Variants in COL18A1 observed in about 807,000 individuals in gnomAD.
COL18A1 encodes collagen alpha-1(XVIII) chain.
In COL18A1, 133 loss-of-function variants were observed where a neutral mutation model predicts 168.0. The ratio of observed to expected loss-of-function variants is 0.79; its 90% CI spans 0.69 to 0.91. The LOEUF (loss-of-function observed/expected upper bound fraction) is 0.91. Ranked by LOEUF, COL18A1 falls within the 40% of genes least tolerant of loss-of-function variation. COL18A1 has a pLI of 0.00. For synonymous variants in COL18A1, 949 were observed against 809.0 expected, an observed-to-expected ratio of 1.17 and a Z score of -2.94; for missense variants, 2,126 against 1,925.4, an observed-to-expected ratio of 1.10 and a Z score of -1.95.
chr21:45,438,417 G>T (rs1022475318), intron 2 of COL18A1, among the ~76,000 whole-genome samples: 1 of 152,028 alleles, frequency 6.6e-6, no homozygotes, highest in African/African-American at 2.4e-5. Flanking sequence ...CCAGGGCTGG[G>T]CAGGGGACCC....
intron 2 of COL18A1, among the ~76,000 whole-genome samples, chr21:45,433,268 A>T (rs2034012753): frequency 6.6e-6 from 1 of 152,224 alleles, no homozygotes; most frequent in Non-Finnish European, 1.5e-5. Flanking sequence ...CTTTCCACTT[A>T]CGGCTCTTAA....
At chr21:45,505,591 A>T (rs2037150745) in intron 36 of COL18A1, among the ~76,000 whole-genome samples, 160 bp downstream of exon 36, 1 of 152,038 alleles carries the variant, frequency 6.6e-6, no homozygotes, top group African/African-American at 2.4e-5. Flanking sequence ...CCATGGGGGA[A>T]TCAGGTGGAC....
At chr21:45,510,493 C>A (rs950338586) in intron 40 of COL18A1, among the ~76,000 whole-genome samples, 27 of 152,048 alleles carry the variant, frequency 1.8e-4, no homozygotes, top group African/African-American at 6.5e-4. Context: ...TCCCATGAGG[C>A]CCCCCCGTGG....
At chr21:45,504,718 C>G (rs559142395) in intron 34 of COL18A1, among the ~76,000 whole-genome samples, 162 bp downstream of exon 34, 1 of 152,020 alleles carries the variant, frequency 6.6e-6, no homozygotes, top group African/African-American at 2.4e-5. Flanking sequence ...ACGCAGCAGG[C>G]CACATGGGTG....
chr21:45,481,025 G>T (rs1403790241), intron 13 of COL18A1, among the ~76,000 whole-genome samples, 167 bp downstream of exon 13: 1 of 152,216 alleles, frequency 6.6e-6, no homozygotes, highest in African/African-American at 2.4e-5. Context: ...GGCCACCCTG[G>T]GGTGTGCGGA....
intron 15 of COL18A1, among the ~76,000 whole-genome samples, chr21:45,483,236 AT>A (rs924228165): frequency 2.6e-5 from 4 of 151,724 alleles, no homozygotes; most frequent in Non-Finnish European, 4.4e-5. Context: ...GCCCCCCAAC[AT>A]CCCCCCATAG....
chr21:45,447,216 A>T (rs1280565922), intron 2 of COL18A1, among the ~76,000 whole-genome samples: 1 of 150,760 alleles, frequency 6.6e-6, no homozygotes, highest in African/African-American at 2.4e-5. Flanking sequence ...TATATCATAT[A>T]TCATATATAT....
chr21:45,479,750 G>T lies in COL18A1; in HGVS notation c.1249-152G>T. ...GGCTCAGGCGGGAGACAGTCTGCTG[G>T]GCCTGGCGCCCTCGTACTTTCCGGG... On this transcript the variant is annotated intron_variant, in intron 9 of 41. Transcript: ENST00000651438. 3.7e-6 allele frequency: 4 copies of T among 1,093,046 alleles called. No individual in the cohort carries two copies. The East Asian group carries it at 1.0e-4, about 28-fold the overall frequency. 67.7% of individuals were successfully genotyped at this position (1,093,046 alleles called of 1,614,324 possible).
intron 15 of COL18A1, among the ~76,000 whole-genome samples, chr21:45,486,455 CTT>C (rs1161573347): frequency 9.7e-6 from 1 of 103,168 alleles, no homozygotes; most frequent in East Asian, 2.9e-4. Flanking sequence ...TCTCTCCTCT[CTT>C]TTCCCCTCGC....
intron 20 of COL18A1, among the ~76,000 whole-genome samples, chr21:45,490,566 G>A (rs1195053020): frequency 2.0e-5 from 2 of 101,076 alleles, no homozygotes; most frequent in African/African-American, 7.9e-5. Context: ...GTCTCCGTGT[G>A]CCCTCTCAGG....
At chr21:45,491,388 C>CT (rs1296285168) in intron 22 of COL18A1, 74 bp downstream of exon 22, 1 of 747,842 alleles carries the variant, frequency 1.3e-6, no homozygotes, top group Non-Finnish European at 2.4e-6. Flanking sequence ...TCCCCGAGCC[C>CT]CCCCCACACC....
At chr21:45,456,147 C>A in intron 2 of COL18A1, 1 of 1,583,960 alleles carries the variant, frequency 6.3e-7, no homozygotes, top group Non-Finnish European at 8.6e-7. Flanking sequence ...GCACCACTCA[C>A]GGGGCCCTCA....
At chr21:45,411,778 A>AGGGGGGGGGGGGGGGGGGGGGGGGGGGGG (rs1569273645) in intron 2 of COL18A1, among the ~76,000 whole-genome samples, 3 of 108,320 alleles carry the variant, frequency 2.8e-5, no homozygotes, top group Admixed American at 1.1e-4. Flanking sequence ...GGGGGGGGGC[A>AGGGGGGGGGGGGGGGGGGGGGGGGGGGGG]GGCTGTGGTC....
Position 45,510,210 on chromosome 21 carries a change from C to T in COL18A1, c.3642C>T (p.Tyr1214=), listed in dbSNP as rs529114618. ...AFLSSRLQDL[Y]SIVRRADRAA... ...TGTCCTCGCGCCTGCAGGACCTGTACAGCATCGTGCGCCGTGCCGACCGCG... is the reference window on the plus strand; with the variant it reads ...TGTCCTCGCGCCTGCAGGACCTGTATAGCATCGTGCGCCGTGCCGACCGCG... Residue 1214 remains tyrosine (Y), a synonymous_variant, in exon 40 of 42, where the codon TAC becomes TAT. Transcript: ENST00000651438. 3.1e-6 allele frequency: 5 copies of T among 1,605,324 alleles called. No individual in the cohort carries two copies. Among genetic ancestry groups the T allele is most frequent in the East Asian group, 4.5e-5 (2 of 44,288 alleles).
At chr21:45,418,475 T>C (rs1025475578) in intron 2 of COL18A1, among the ~76,000 whole-genome samples, 28 of 152,224 alleles carry the variant, frequency 1.8e-4, no homozygotes, top group African/African-American at 6.7e-4. Flanking sequence ...GCCGGGTGTT[T>C]AGATGAATTC....
Position 45,461,989 on chromosome 21 carries a change from G to A in COL18A1, c.107-6253G>A, listed in dbSNP as rs1428752572. Among the ~76,000 whole-genome samples, 4 of 152,132 alleles carry A rather than the reference G, an allele frequency of 2.6e-5. No individual in the cohort carries two copies. The South Asian group carries it at 6.2e-4, about 24-fold the overall frequency. On this transcript the variant is annotated intron_variant, in intron 2 of 41. Coordinates refer to ENST00000651438, the MANE Select transcript of COL18A1 (RefSeq NM_001379500.1). Reference sequence around the variant, plus strand: ...AACTCCCTTAGCTTTTGTTTATCTGGGAATGCCAATTTCTCCCTCACTTTT... The same window carrying A: ...AACTCCCTTAGCTTTTGTTTATCTGAGAATGCCAATTTCTCCCTCACTTTT...
intron 2 of COL18A1, among the ~76,000 whole-genome samples, chr21:45,446,631 A>T (rs188466213): frequency 1.4e-4 from 21 of 152,364 alleles, no homozygotes; most frequent in Admixed American, 8.5e-4. Context: ...GAGAGTGGGA[A>T]ATGCTTCTCA....
chr21:45,478,088 C>T, intron 8 of COL18A1, 123 bp downstream of exon 8: 3 of 743,718 alleles, frequency 4.0e-6, no homozygotes, highest in Non-Finnish European at 6.8e-6. Flanking sequence ...TCAGCAGCCT[C>T]CTTAGGCCCA....
At chr21:45,417,507 G>A (rs1428611183) in intron 2 of COL18A1, among the ~76,000 whole-genome samples, 2 of 152,134 alleles carry the variant, frequency 1.3e-5, no homozygotes, top group East Asian at 1.9e-4. Flanking sequence ...CTTCCGACTC[G>A]AGGGTCTCAC....
Sources: gnomAD v4.1 joint callset for allele counts (sites outside exome capture counted in the v4.1 genomes callset) on GRCh38, gnomAD v4.1.1 for gene constraint, MANE v1.5 for transcripts, NCBI Gene and HGNC (gene_info 2026-07-23, HGNC 2026-07-21) for gene names.